Variants in TMBIM4 observed in about 807,000 individuals in gnomAD.
TMBIM4 encodes the protein protein lifeguard 4.
In TMBIM4, 28 loss-of-function variants were observed where a neutral mutation model predicts 27.7. The ratio of observed to expected loss-of-function variants is 1.01; its 90% CI spans 0.75 to 1.38. The LOEUF (loss-of-function observed/expected upper bound fraction) is 1.38. Among genes scored for constraint, TMBIM4 ranks in the 40% most tolerant of loss-of-function variants. The pLI, the probability that TMBIM4 is intolerant of heterozygous loss-of-function variation, is 0.00. For synonymous variants in TMBIM4, 115 were observed against 113.1 expected (o/e 1.02, Z -0.11); for missense variants, 265 against 277.5 (o/e 0.95, Z 0.32).
intron 1 of TMBIM4, among the ~76,000 whole-genome samples, chr12:66,160,755 A>G (rs1345321100): frequency 6.6e-6 from 1 of 152,248 alleles, no homozygotes; most frequent in African/African-American, 2.4e-5. Context: ...GGAGGGTTGC[A>G]CAGCGGCCGA....
chr12:66,155,954 T>C (rs2051928924), intron 1 of TMBIM4, among the ~76,000 whole-genome samples: 1 of 152,198 alleles, frequency 6.6e-6, no homozygotes, highest in Admixed American at 6.5e-5. Flanking sequence ...TGTATTACTA[T>C]TGCAATTAAA....
Position 66,138,008 on chromosome 12 carries a change from A to T in TMBIM4, c.669T>A (p.Asn223Lys), listed in dbSNP as rs1201129879. Reference sequence around the variant, plus strand: ...GAAACCGTAACAGGTGCAGGAATAGATTGATGATATCCAAGTAGAGGCTGA... The same window carrying T: ...GAAACCGTAACAGGTGCAGGAATAGTTTGATGATATCCAAGTAGAGGCTGA... ...AAISLYLDII[N>K]LFLHLLRFLE... The change falls in exon 7 of 7, where the codon AAT becomes AAA. Residue 223 changes from asparagine to lysine, a missense_variant. Coordinates refer to ENST00000358230, the MANE Select transcript of TMBIM4 (RefSeq NM_016056.4). The T allele has an allele frequency of 6.2e-7, 1 of 1,614,100 alleles. No individual in the cohort carries two copies. Among genetic ancestry groups the T allele is most frequent in the Non-Finnish European group, 8.5e-7 (1 of 1,180,018 alleles).
At chr12:66,152,195 A>C (rs970874729) in intron 3 of TMBIM4, 76 bp downstream of exon 3, 3 of 731,402 alleles carry the variant, frequency 4.1e-6, no homozygotes, top group African/African-American at 3.7e-5. Context: ...TGCCGTTGTT[A>C]TATATGTATT....
chr12:66,148,474 C>T (rs555178456), intron 3 of TMBIM4, among the ~76,000 whole-genome samples: 63 of 152,238 alleles, frequency 4.1e-4, no homozygotes, highest in African/African-American at 1.4e-3. Context: ...GACTACGTAA[C>T]GATACTCTAG....
chr12:66,155,236 C>T (rs2051911494), intron 1 of TMBIM4, among the ~76,000 whole-genome samples: 1 of 152,082 alleles, frequency 6.6e-6, no homozygotes, highest in Non-Finnish European at 1.5e-5. Flanking sequence ...CTTTACACTA[C>T]AGCCTCCATG....
intron 3 of TMBIM4, among the ~76,000 whole-genome samples, chr12:66,148,250 C>A (rs868598820): frequency 6.6e-6 from 1 of 152,102 alleles, no homozygotes; most frequent in African/African-American, 2.4e-5. Flanking sequence ...AATAAAAATA[C>A]AATTGCAAAA....
chr12:66,160,320 C>A, intron 1 of TMBIM4: 1 of 673,686 alleles, frequency 1.5e-6, no homozygotes, highest in South Asian at 1.6e-5. Flanking sequence ...TTAAATCAAT[C>A]AAATTTAAAA....
intron 3 of TMBIM4, among the ~76,000 whole-genome samples, chr12:66,150,509 G>A (rs1391509452): frequency 1.3e-5 from 2 of 151,048 alleles, no homozygotes; most frequent in African/African-American, 4.8e-5. Context: ...CCACCTCCCG[G>A]TTTAAGTGAT....
Position 66,147,680 on chromosome 12 carries a change from T to C in TMBIM4, c.346+228A>G, listed in dbSNP as rs114540879. ...CTAAATGGGTAAACAAATGAAATACTGTTCTCCATTCCTTTTATTTTTCTT... is the reference window on the plus strand; with the variant it reads ...CTAAATGGGTAAACAAATGAAATACCGTTCTCCATTCCTTTTATTTTTCTT... On this transcript the variant is annotated intron_variant, in intron 4 of 6. Coordinates refer to ENST00000358230, the MANE Select transcript of TMBIM4 (RefSeq NM_016056.4). 5.6e-3 allele frequency among the ~76,000 whole-genome samples: 855 copies of C among 152,332 alleles called. 11 individuals carry two copies. Among genetic ancestry groups the C allele is most frequent in the African/African-American group, 0.02 (838 of 41,578 alleles).
At chr12:66,155,512 T>C (rs940059291) in intron 1 of TMBIM4, among the ~76,000 whole-genome samples, 2 of 152,074 alleles carry the variant, frequency 1.3e-5, no homozygotes, top group Non-Finnish European at 2.9e-5. Flanking sequence ...GCTAATTTTT[T>C]TGTAGAGATG....
Position 66,137,903 on chromosome 12 carries a change from C to A in TMBIM4, c.*57G>T. Reference sequence around the variant, plus strand: ...ATATACTGCTTCCAATTACTTTAATCCTTTTTTCTCATTAAATTTTTTTTG... The same window carrying A: ...ATATACTGCTTCCAATTACTTTAATACTTTTTTCTCATTAAATTTTTTTTG... On this transcript the variant is annotated 3_prime_UTR_variant, in exon 7 of 7. Coordinates refer to ENST00000358230, the MANE Select transcript of TMBIM4 (RefSeq NM_016056.4). 2.1e-6 allele frequency: 3 copies of A among 1,459,622 alleles called. No homozygotes were observed. The highest frequency in any genetic ancestry group is 2.3e-5 in the South Asian group (2 of 85,846). The allele number at this position is 1,459,622 out of a possible 1,614,324, so 90.4% of individuals were successfully genotyped here.
At chr12:66,168,000 G>A (rs914745251) in intron 1 of TMBIM4, among the ~76,000 whole-genome samples, 6 of 152,024 alleles carry the variant, frequency 3.9e-5, no homozygotes, top group Non-Finnish European at 5.9e-5. Flanking sequence ...TGGGAGGATC[G>A]CTTGAGTCCA....
chr12:66,169,794 C>T, intron 1 of TMBIM4, 61 bp downstream of exon 1: 1 of 1,329,220 alleles, frequency 7.5e-7, no homozygotes, highest in Non-Finnish European at 1.0e-6. Flanking sequence ...CGGAAGTCGG[C>T]TTCTAGAGGC....
intron 1 of TMBIM4, among the ~76,000 whole-genome samples, chr12:66,165,114 G>A (rs1040799511): frequency 6.2e-4 from 94 of 152,046 alleles, no homozygotes; most frequent in African/African-American, 2.1e-3. Context: ...TTGGAAAACC[G>A]ATGTTCATAC....
At chr12:66,145,686 A>G in intron 5 of TMBIM4, 155 bp downstream of exon 5, 1 of 473,412 alleles carries the variant, frequency 2.1e-6, no homozygotes. Context: ...ATGTTCTAGG[A>G]GTAGGACCTG....
At chr12:66,140,941 G>A (rs2051658432) in intron 5 of TMBIM4, among the ~76,000 whole-genome samples, 1 of 152,100 alleles carries the variant, frequency 6.6e-6, no homozygotes. Flanking sequence ...CAGACTTCTT[G>A]TCAGAAACTA....
chr12:66,152,170 T>C (rs1201960016), intron 3 of TMBIM4, 101 bp downstream of exon 3: 9 of 519,002 alleles, frequency 1.7e-5, no homozygotes, highest in Middle Eastern at 3.1e-4. Flanking sequence ...TAAAAAAAAC[T>C]CATTAATTTT....
intron 5 of TMBIM4, among the ~76,000 whole-genome samples, chr12:66,144,279 G>T (rs759249000): frequency 6.6e-6 from 1 of 151,982 alleles, no homozygotes; most frequent in Non-Finnish European, 1.5e-5. Flanking sequence ...GTCCCACCCC[G>T]AAAAACTACT....
chr12:66,146,064 C>A (rs137859518), intron 4 of TMBIM4, 106 bp from the exon 5 acceptor site: 1 of 559,626 alleles, frequency 1.8e-6, no homozygotes, highest in East Asian at 2.9e-5. Context: ...TACTTTATGC[C>A]AATAAAAACA....
Sources: allele counts gnomAD v4.1 joint callset (sites outside exome capture counted in the v4.1 genomes callset), GRCh38; gene constraint gnomAD v4.1.1; transcripts MANE v1.5; gene names NCBI Gene and HGNC (gene_info 2026-07-23, HGNC 2026-07-21).